The following MTHFD1L variants were observed in gnomAD, a reference collection of about 807,000 sequenced individuals.
The protein encoded by MTHFD1L is methylenetetrahydrofolate dehydrogenase (NADP+ dependent) 1 like, also known as monofunctional C1-tetrahydrofolate synthase, mitochondrial.
MTHFD1L carries 81 observed loss-of-function variants against 119.5 expected under a neutral mutation model. The observed-to-expected ratio is 0.68, with a 90% CI of 0.57 to 0.82. MTHFD1L has a LOEUF of 0.82. MTHFD1L is among the 40% of genes least tolerant of loss of function. The pLI is 0.00. For missense variants in MTHFD1L, 1,125 were observed against 1,253.4 expected (o/e 0.90, Z 1.55); for synonymous variants, 430 against 475.2 (o/e 0.90, Z 1.24).
At chr6:150,940,572 C>CTTTTA (rs144157570) in intron 13 of MTHFD1L, among the ~76,000 whole-genome samples, 53,062 of 149,948 alleles carry the variant, frequency 0.35, 10,924 homozygotes, top group African/African-American at 0.57. Flanking sequence ...GAGAGAGCTA[C>CTTTTA]TTTTATTTTA....
chr6:150,873,064 T>TC (rs1410360001), intron 1 of MTHFD1L, among the ~76,000 whole-genome samples: 1 of 151,966 alleles, frequency 6.6e-6, no homozygotes, highest in Non-Finnish European at 1.5e-5. Context: ...CCCCTGTAAT[T>TC]CCAGCACTTT....
At chr6:150,977,647 A>G (rs1776775404) in intron 20 of MTHFD1L, among the ~76,000 whole-genome samples, 1 of 152,262 alleles carries the variant, frequency 6.6e-6, no homozygotes, top group Non-Finnish European at 1.5e-5. Flanking sequence ...AACTATTTGT[A>G]GGAATTTCAA....
chr6:151,013,909 C>T, intron 22 of MTHFD1L, 89 bp downstream of exon 22: 1 of 1,175,828 alleles, frequency 8.5e-7, no homozygotes, highest in Non-Finnish European at 1.2e-6. Flanking sequence ...CCTTCAGTGG[C>T]CTCTTAGAAA....
chr6:150,947,962 T>G (rs1292674048), intron 15 of MTHFD1L, among the ~76,000 whole-genome samples: 2 of 152,210 alleles, frequency 1.3e-5, no homozygotes, highest in Non-Finnish European at 2.9e-5. Flanking sequence ...TAACCTATAA[T>G]TCACTCAAAG....
rs1413841972 is a variant in MTHFD1L, at chr6:151,031,226, T to C, written c.2587-3267T>C. ...AACACTGCACTCAAAACGACTTCCT[T>C]CTAACGTTTGTCCCTTGGTTCACAT... On this transcript the variant is annotated intron_variant, in intron 24 of 27. Transcript: ENST00000367321. Among the ~76,000 whole-genome samples, 7 of 152,238 alleles carry C rather than the reference T, an allele frequency of 4.6e-5. No individual in the cohort carries two copies. The East Asian group carries it at 1.3e-3, about 29-fold the overall frequency.
chr6:150,944,389 A>T, intron 13 of MTHFD1L, 97 bp from the exon 14 acceptor site: 1 of 838,782 alleles, frequency 1.2e-6, no homozygotes. Context: ...TTGAGAATAC[A>T]GTGAGCTATG....
At chr6:151,024,228 G>A (rs991483430) in intron 24 of MTHFD1L, among the ~76,000 whole-genome samples, 14 of 152,038 alleles carry the variant, frequency 9.2e-5, no homozygotes, top group Non-Finnish European at 1.8e-4. Context: ...GAAGAGGAAC[G>A]AGCAGATGCA....
chr6:151,014,512 C>T (rs115900904), intron 22 of MTHFD1L, among the ~76,000 whole-genome samples: 7 of 152,336 alleles, frequency 4.6e-5, no homozygotes, highest in African/African-American at 1.7e-4. Context: ...AGCAGTACCT[C>T]TTAGCTCCTA....
chr6:150,996,382 C>T (rs749146188), intron 20 of MTHFD1L, among the ~76,000 whole-genome samples: 1 of 151,844 alleles, frequency 6.6e-6, no homozygotes, highest in Non-Finnish European at 1.5e-5. Context: ...ACTATCTTGC[C>T]CAGGCTGGTC....
chr6:151,046,085 A>G (rs1173393520), intron 26 of MTHFD1L, among the ~76,000 whole-genome samples: 1 of 152,208 alleles, frequency 6.6e-6, no homozygotes, highest in Non-Finnish European at 1.5e-5. Context: ...CCATTTGTGT[A>G]GAGGATCTTC....
intron 26 of MTHFD1L, among the ~76,000 whole-genome samples, chr6:151,090,395 C>T (rs1474357928): frequency 6.6e-6 from 1 of 152,196 alleles, no homozygotes; most frequent in Non-Finnish European, 1.5e-5. Flanking sequence ...ACATCAGAAC[C>T]CCCTGGGGAC....
chr6:150,998,568 A>G (rs1025099126), intron 20 of MTHFD1L, among the ~76,000 whole-genome samples: 5 of 150,938 alleles, frequency 3.3e-5, no homozygotes, highest in Admixed American at 1.3e-4. Flanking sequence ...CAAAAATCCA[A>G]AGTTTTTTGA....
chr6:151,087,510 GGTT>G (rs911805747), intron 26 of MTHFD1L, among the ~76,000 whole-genome samples: 7 of 152,096 alleles, frequency 4.6e-5, no homozygotes, highest in Middle Eastern at 3.4e-3. Flanking sequence ...TTGTTGTTGT[GGTT>G]GTTGTTGGAA....
chr6:150,970,592 C>G (rs1797879801), intron 19 of MTHFD1L, among the ~76,000 whole-genome samples: 1 of 152,168 alleles, frequency 6.6e-6, no homozygotes, highest in Non-Finnish European at 1.5e-5. Flanking sequence ...AAATATTAAT[C>G]TTATGAAATG....
chr6:150,992,694 G>A (rs1779213910), intron 20 of MTHFD1L, among the ~76,000 whole-genome samples: 1 of 152,174 alleles, frequency 6.6e-6, no homozygotes, highest in African/African-American at 2.4e-5. Flanking sequence ...ATGTTTAGTG[G>A]GCCAGGGGCC....
At chr6:150,951,213 GT>G (rs1362119860) in intron 16 of MTHFD1L, among the ~76,000 whole-genome samples, 1 of 149,236 alleles carries the variant, frequency 6.7e-6, no homozygotes. Flanking sequence ...CGTATTTTTA[GT>G]AGAGATGGGG....
At chr6:150,944,652 TAAG>T (rs1253430719) in intron 14 of MTHFD1L, 59 bp downstream of exon 14, 2 of 1,300,998 alleles carry the variant, frequency 1.5e-6, no homozygotes, top group East Asian at 4.7e-5. Context: ...CCTGGATTCT[TAAG>T]GAGTTTGTGG....
At chr6:151,069,394 A>G (rs2128616002) in intron 26 of MTHFD1L, among the ~76,000 whole-genome samples, 1 of 152,210 alleles carries the variant, frequency 6.6e-6, no homozygotes, top group South Asian at 2.1e-4. Context: ...AGTGGGCCAG[A>G]GGGCCTCTGG....
chr6:151,009,742 G>C (rs368454063), intron 20 of MTHFD1L, 77 bp from the exon 21 acceptor site: 2 of 1,512,634 alleles, frequency 1.3e-6, no homozygotes, highest in South Asian at 1.2e-5. Context: ...CTTTGAGCTC[G>C]AATCATAGTG....
Sources: gnomAD v4.1 joint callset for allele counts (sites outside exome capture counted in the v4.1 genomes callset) on GRCh38, gnomAD v4.1.1 for gene constraint, MANE v1.5 for transcripts, NCBI Gene and HGNC (gene_info 2026-07-23, HGNC 2026-07-21) for gene names.